The following KIAA0319 variants were observed in gnomAD, a reference collection of about 807,000 sequenced individuals.
KIAA0319 encodes KIAA0319.
A neutral mutation model predicts 108.4 loss-of-function variants in KIAA0319; 83 were observed. That is an observed-to-expected ratio of 0.77 (90% CI 0.64 to 0.92). KIAA0319 has a LOEUF of 0.92. KIAA0319 is among the 40% of genes least tolerant of loss of function. The pLI, the probability that KIAA0319 is intolerant of heterozygous loss-of-function variation, is 0.00. For synonymous variants in KIAA0319, 484 were observed against 510.4 expected, an observed-to-expected ratio of 0.95 and a Z score of 0.70; for missense variants, 1,195 against 1,322.4, an observed-to-expected ratio of 0.90 and a Z score of 1.49.
chr6:24,598,657 C>A, intron 2 of KIAA0319: 1 of 295,568 alleles, frequency 3.4e-6, no homozygotes, highest in South Asian at 3.2e-5. Context: ...GGGTGGATCA[C>A]CTGAGGATAG....
At chr6:24,591,269 G>A (rs569697588) in intron 3 of KIAA0319, among the ~76,000 whole-genome samples, 1 of 152,216 alleles carries the variant, frequency 6.6e-6, no homozygotes, top group African/African-American at 2.4e-5. Context: ...ATATGGTTAA[G>A]TCTGCATTTA....
intron 1 of KIAA0319, among the ~76,000 whole-genome samples, chr6:24,643,753 G>A (rs1582394683): frequency 6.6e-6 from 1 of 152,126 alleles, no homozygotes; most frequent in Non-Finnish European, 1.5e-5. Context: ...TTATTGAAGC[G>A]TTACTATTAA....
In KIAA0319 at chr6:24,563,449, T is replaced by C. The variant is rs1250320335; in HGVS notation, c.2501A>G (p.Lys834Arg). The C allele has an allele frequency of 3.7e-6, 6 of 1,613,660 alleles. No homozygotes were observed. In the African/African-American group the frequency reaches 4.0e-5, roughly 11 times the overall value. The change falls in exon 16 of 21, where the codon AAG becomes AGG. Residue 834 changes from lysine (K) to arginine (R), a missense_variant. Transcript: ENST00000378214. ...VGVGQLTEQRKDTLVRQLAVL... is the reference protein window; with the variant it reads ...VGVGQLTEQRRDTLVRQLAVL... ...AGCCAGCTGCCTCACAAGGGTGTCC[T>C]TCCGCTGCTCTGTCAGCTGCCCAAC...
intron 1 of KIAA0319, among the ~76,000 whole-genome samples, chr6:24,642,702 T>C (rs1285624060): frequency 6.7e-6 from 1 of 149,366 alleles, no homozygotes; most frequent in African/African-American, 2.5e-5. Flanking sequence ...AAATAGATGC[T>C]TACTATAATC....
In KIAA0319 at chr6:24,596,265, T is replaced by C; in HGVS notation, c.409A>G (p.Ile137Val). ...SGIWGDSPED[I>V]RKDLTFLGKD... The stretch of plus-strand genomic sequence containing the variant: ...CCTAGAAAGGTCAAGTCCTTTCTGA[T>C]ATCCTCAGGTGAGTCCCCCCAGATC... The change falls in exon 3 of 21, where the codon ATC (isoleucine) becomes GTC (valine). Residue 137 changes from isoleucine (I) to valine (V), a missense_variant. Coordinates refer to ENST00000378214, the MANE Select transcript of KIAA0319 (RefSeq NM_014809.4). 1 of 1,614,214 alleles carries C rather than the reference T, an allele frequency of 6.2e-7. No individual in the cohort carries two copies. The highest frequency in any genetic ancestry group is 8.5e-7 in the Non-Finnish European group (1 of 1,180,038).
intron 3 of KIAA0319, among the ~76,000 whole-genome samples, chr6:24,589,558 G>A (rs1184979946): frequency 3.3e-5 from 5 of 152,146 alleles, no homozygotes; most frequent in Admixed American, 2.0e-4. Context: ...GAGTTCTCAC[G>A]AGATCTGGTG....
intron 17 of KIAA0319, among the ~76,000 whole-genome samples, chr6:24,557,108 A>G (rs2760169): frequency 0.29 from 44,282 of 151,738 alleles, 7,689 homozygotes; most frequent in African/African-American, 0.49. Flanking sequence ...AGGGGGCTGA[A>G]GCAGGAGAAT....
intron 6 of KIAA0319, among the ~76,000 whole-genome samples, chr6:24,581,505 A>G (rs1766539200): frequency 6.6e-6 from 1 of 152,168 alleles, no homozygotes; most frequent in East Asian, 1.9e-4. Context: ...ATATCCTCCT[A>G]GGCCAGAAAG....
intron 16 of KIAA0319, among the ~76,000 whole-genome samples, chr6:24,560,122 T>C (rs528881256): frequency 6.6e-6 from 1 of 152,374 alleles, no homozygotes; most frequent in South Asian, 2.1e-4. Context: ...ACACTTGAGT[T>C]GCTTCCACAT....
downstream of KIAA0319, among the ~76,000 whole-genome samples, chr6:24,542,729 CACCTAAGTGA>C (rs1760244613): frequency 6.6e-6 from 1 of 152,198 alleles, no homozygotes; most frequent in South Asian, 2.1e-4. Flanking sequence ...AAACAAAAAA[CACCTAAGTGA>C]GCATTTGTTA....
intron 1 of KIAA0319, among the ~76,000 whole-genome samples, chr6:24,637,885 GTCTACCTTC>G (rs1776406805): frequency 6.6e-6 from 1 of 151,912 alleles, no homozygotes; most frequent in Non-Finnish European, 1.5e-5. Flanking sequence ...AGAATCCAAA[GTCTACCTTC>G]ATAATGTGGG....
Position 24,579,849 on chromosome 6 carries a change from G to T in KIAA0319, c.1372+9C>A. ...AAAAGAAATCCCTAAACTATCTCAG[G>T]ATACACACGGCTGCCATCAATGAGG... On this transcript the variant is annotated intron_variant, in intron 8 of 20. Coordinates refer to ENST00000378214, the MANE Select transcript of KIAA0319 (RefSeq NM_014809.4). The T allele has an allele frequency of 1.9e-6, 3 of 1,592,360 alleles. No individual in the cohort carries two copies. In the South Asian group the frequency reaches 3.4e-5, roughly 18 times the overall value.
In KIAA0319 at chr6:24,559,128, G is replaced by A. The variant is rs139576937; in HGVS notation, c.2619C>T (p.Ser873=). ...CTTTGAGAACCTTGAAAGGCGGCCTGCTCTGTACATAAAACACAATCACGG... is the reference window on the plus strand; with the variant it reads ...CTTTGAGAACCTTGAAAGGCGGCCTACTCTGTACATAAAACACAATCACGG... ...LSTVIVFYVQ[S]RPPFKVLKAA... The change falls in exon 17 of 21, where the codon AGC becomes AGT. Residue 873 remains serine (S), a synonymous_variant. Transcript: ENST00000378214. The A allele has an allele frequency of 6.2e-7, 1 of 1,613,386 alleles. No individual in the cohort carries two copies.
intron 1 of KIAA0319, among the ~76,000 whole-genome samples, chr6:24,614,970 A>G (rs1772937945): frequency 6.6e-6 from 1 of 152,198 alleles, no homozygotes; most frequent in South Asian, 2.1e-4. Context: ...CCCAGGAACT[A>G]TAGGAGGGGT....
chr6:24,601,093 G>A lies in KIAA0319; in HGVS notation c.11C>T (p.Pro4Leu), dbSNP rs757171795. Residue 4 changes from proline to leucine, a missense_variant, in exon 2 of 21, where the codon CCC becomes CTC. By Grantham distance (98) the Pro-to-Leu change is moderately conservative. Coordinates refer to ENST00000378214, the MANE Select transcript of KIAA0319 (RefSeq NM_014809.4). MAP[P>L]TGVLSSLLLL... ...CAGCAATGAAGAGAGCACACCTGTG[G>A]GGGGCGCCATTGTGCACCACACAGT... 9.3e-6 allele frequency: 15 copies of A among 1,614,004 alleles called. No individual in the cohort carries two copies. Among genetic ancestry groups the A allele is most frequent in the African/African-American group, 1.3e-5 (1 of 74,916 alleles).
chr6:24,596,057 G>A lies in KIAA0319; in HGVS notation c.617C>T (p.Pro206Leu). Reference sequence around the variant, plus strand: ...CTCAGGGTCCTGCTGCGTCTCCGCTGGCACCGCAGGACTGTCTCCAACAGA... The same window carrying A: ...CTCAGGGTCCTGCTGCGTCTCCGCTAGCACCGCAGGACTGTCTCCAACAGA... ...NSSVGDSPAV[P>L]AETQQDPELH... Residue 206 changes from proline (P) to leucine (L), a missense_variant, in exon 3 of 21, where the codon CCA becomes CTA. Transcript: ENST00000378214. 1 of 1,614,058 alleles carries A rather than the reference G, an allele frequency of 6.2e-7. No individual in the cohort carries two copies. The highest frequency in any genetic ancestry group is 8.5e-7 in the Non-Finnish European group (1 of 1,179,946).
intron 1 of KIAA0319, among the ~76,000 whole-genome samples, chr6:24,614,302 C>G (rs1772830654): frequency 6.6e-6 from 1 of 152,082 alleles, no homozygotes; most frequent in South Asian, 2.1e-4. Flanking sequence ...CTATCACCTC[C>G]CAGTCGCCCA....
chr6:24,591,476 C>T (rs1256391886), intron 3 of KIAA0319, among the ~76,000 whole-genome samples: 2 of 152,066 alleles, frequency 1.3e-5, no homozygotes, highest in Non-Finnish European at 2.9e-5. Flanking sequence ...TAGCTGGGCA[C>T]TGTGGTCCCA....
chr6:24,633,108 AT>A (rs950267623), intron 1 of KIAA0319, among the ~76,000 whole-genome samples: 12 of 152,096 alleles, frequency 7.9e-5, no homozygotes, highest in African/African-American at 2.7e-4. Flanking sequence ...ATAATACAAG[AT>A]TTTTTTCATA....
Sources: gnomAD v4.1 joint callset for allele counts (sites outside exome capture counted in the v4.1 genomes callset) on GRCh38, gnomAD v4.1.1 for gene constraint, MANE v1.5 for transcripts, NCBI Gene and HGNC (gene_info 2026-07-23, HGNC 2026-07-21) for gene names.